Variants in TENM3 observed in about 807,000 individuals in gnomAD.
The protein encoded by TENM3 is teneurin transmembrane protein 3.
TENM3 carries 63 observed loss-of-function variants against 255.1 expected under a neutral mutation model. The ratio of observed to expected loss-of-function variants is 0.25; its 90% CI spans 0.20 to 0.30. TENM3 has a LOEUF of 0.30. Among genes scored for constraint, TENM3 ranks in the 10% least tolerant of loss-of-function variants. TENM3 has a pLI of 1.00. For missense variants in TENM3, 2,929 were observed against 3,461.1 expected, an observed-to-expected ratio of 0.85 and a Z score of 3.86; for synonymous variants, 1,306 against 1,322.3, an observed-to-expected ratio of 0.99 and a Z score of 0.27.
intron 13 of TENM3, among the ~76,000 whole-genome samples, chr4:182,724,737 G>A (rs911754137): frequency 6.6e-6 from 1 of 152,208 alleles, no homozygotes; most frequent in Non-Finnish European, 1.5e-5. Context: ...TATGGCGGGG[G>A]AGAAGAGGGT....
intron 3 of TENM3, among the ~76,000 whole-genome samples, chr4:182,535,739 C>CAA (rs113823765): frequency 1.8e-5 from 2 of 110,452 alleles, no homozygotes; most frequent in East Asian, 2.6e-4. Flanking sequence ...GACCCTATGT[C>CAA]AAAAAAAAAA....
upstream of TENM3, among the ~76,000 whole-genome samples, chr4:182,241,035 G>T (rs1757222361): frequency 6.6e-6 from 1 of 152,140 alleles, no homozygotes; most frequent in Non-Finnish European, 1.5e-5. Context: ...GCATCTTTGA[G>T]GCTTTTGTCA....
At chr4:181,918,165 C>A in the TENM3 span, among the ~76,000 whole-genome samples, 1 of 152,098 alleles carries the variant, frequency 6.6e-6, no homozygotes, top group Non-Finnish European at 1.5e-5. Flanking sequence ...AACTAGTTAG[C>A]TACATTTAAT....
the TENM3 span, among the ~76,000 whole-genome samples, chr4:181,919,567 A>T: frequency 5.9e-5 from 9 of 152,180 alleles, no homozygotes; most frequent in East Asian, 1.7e-3. Flanking sequence ...CTGGAACTAC[A>T]GTTTGTTGAA....
At chr4:181,525,551 A>G in the TENM3 span, among the ~76,000 whole-genome samples, 2 of 152,130 alleles carry the variant, frequency 1.3e-5, no homozygotes, top group Non-Finnish European at 2.9e-5. Flanking sequence ...TCAATTGTGT[A>G]TCATTCTTCC....
At chr4:182,429,386 A>C (rs1357985787) in intron 3 of TENM3, among the ~76,000 whole-genome samples, 2 of 152,188 alleles carry the variant, frequency 1.3e-5, no homozygotes, top group Non-Finnish European at 2.9e-5. Flanking sequence ...TTGATTGTGA[A>C]GTTTATTTGC....
At chr4:181,848,751 G>T in the TENM3 span, among the ~76,000 whole-genome samples, 4 of 152,280 alleles carry the variant, frequency 2.6e-5, no homozygotes, top group Admixed American at 2.6e-4. Flanking sequence ...ATTGAGGGAT[G>T]TAAGAATGTG....
chr4:181,638,697 G>A, the TENM3 span, among the ~76,000 whole-genome samples: 1 of 152,158 alleles, frequency 6.6e-6, no homozygotes, highest in African/African-American at 2.4e-5. Flanking sequence ...TACATCAATT[G>A]TAATGATCAT....
the TENM3 span, among the ~76,000 whole-genome samples, chr4:182,067,615 CT>C: frequency 1.3e-5 from 2 of 152,144 alleles, no homozygotes; most frequent in African/African-American, 4.8e-5. Context: ...CCCAAGTGGG[CT>C]TTTAAGAGCT....
At chr4:182,464,280 A>G (rs978661968) in intron 3 of TENM3, among the ~76,000 whole-genome samples, 2 of 152,052 alleles carry the variant, frequency 1.3e-5, no homozygotes, top group African/African-American at 4.8e-5. Flanking sequence ...TTTTTGAGAC[A>G]GAATCTCACT....
the TENM3 span, among the ~76,000 whole-genome samples, chr4:181,521,879 G>A: frequency 6.6e-6 from 1 of 151,954 alleles, no homozygotes; most frequent in African/African-American, 2.4e-5. Flanking sequence ...GGCAGATCAC[G>A]AGGTCAGGAG....
chr4:181,592,278 G>C, the TENM3 span, among the ~76,000 whole-genome samples: 9 of 44,850 alleles, frequency 2.0e-4, no homozygotes, highest in Admixed American at 4.1e-4. Flanking sequence ...CACACACACA[G>C]AGCTGAGAAG....
At chr4:181,456,030 A>C in the TENM3 span, among the ~76,000 whole-genome samples, 2 of 151,760 alleles carry the variant, frequency 1.3e-5, no homozygotes, top group African/African-American at 2.4e-5. Context: ...ATCATTCATT[A>C]ATTATTGTTC....
intron 7 of TENM3, among the ~76,000 whole-genome samples, chr4:182,674,122 T>C (rs1280716621): frequency 6.6e-6 from 1 of 152,208 alleles, no homozygotes; most frequent in Non-Finnish European, 1.5e-5. Context: ...AGGATGAGCC[T>C]AAAGTTATAT....
At chr4:182,700,594 G>A (rs1757774363) in intron 12 of TENM3, among the ~76,000 whole-genome samples, 1 of 152,090 alleles carries the variant, frequency 6.6e-6, no homozygotes, top group African/African-American at 2.4e-5. Flanking sequence ...AATGAAGCTG[G>A]AACCCAGCTG....
the TENM3 span, among the ~76,000 whole-genome samples, chr4:181,982,273 C>T: frequency 1.3e-5 from 2 of 152,142 alleles, no homozygotes; most frequent in African/African-American, 4.8e-5. Flanking sequence ...TGAACAAGAA[C>T]AGCTACCATG....
intron 13 of TENM3, among the ~76,000 whole-genome samples, chr4:182,723,285 C>A (rs1475368067): frequency 1.3e-5 from 2 of 152,266 alleles, no homozygotes; most frequent in South Asian, 4.1e-4. Context: ...CAGTTTGTTT[C>A]ATGCATATTA....
chr4:182,474,303 G>A (rs546638896), intron 3 of TENM3, among the ~76,000 whole-genome samples: 1 of 152,266 alleles, frequency 6.6e-6, no homozygotes, highest in African/African-American at 2.4e-5. Context: ...TAATGCACTT[G>A]AAAATATTCT....
chr4:181,554,917 G>A, the TENM3 span, among the ~76,000 whole-genome samples: 564 of 152,218 alleles, frequency 3.7e-3, 1 homozygote, highest in African/African-American at 0.013. Flanking sequence ...GTTTACTTTG[G>A]ATCAGTTTAT....
Sources: gnomAD v4.1 joint callset for allele counts (sites outside exome capture counted in the v4.1 genomes callset) on GRCh38, gnomAD v4.1.1 for gene constraint, MANE v1.5 for transcripts, NCBI Gene and HGNC (gene_info 2026-07-23, HGNC 2026-07-21) for gene names.